The following ZNF423 variants were observed in gnomAD, a reference collection of about 807,000 sequenced individuals.
ZNF423 encodes zinc finger protein 423.
Under a neutral mutation model 95.8 loss-of-function variants are expected in ZNF423, and 12 were observed. That is an observed-to-expected ratio of 0.13 (90% CI 0.08 to 0.20). The LOEUF (loss-of-function observed/expected upper bound fraction) is 0.20. Ranked by LOEUF, ZNF423 falls within the 10% of genes least tolerant of loss-of-function variation. The pLI is 1.00. For missense variants in ZNF423, 1,316 were observed against 1,737.1 expected (o/e 0.76, Z 4.31); for synonymous variants, 749 against 711.9 (o/e 1.05, Z -0.83).
chr16:49,555,299 C>T (rs995678070), intron 5 of ZNF423, among the ~76,000 whole-genome samples: 1 of 152,192 alleles, frequency 6.6e-6, no homozygotes, highest in Non-Finnish European at 1.5e-5. Context: ...ACCTGGAGCA[C>T]CAGTAATTCA....
At chr16:49,853,772 G>A in intron 1 of ZNF423, 2 of 985,378 alleles carry the variant, frequency 2.0e-6, no homozygotes, top group Non-Finnish European at 2.4e-6. Flanking sequence ...CTCGGTTCAA[G>A]CAACTTTGAA....
intron 2 of ZNF423, among the ~76,000 whole-genome samples, chr16:49,763,867 C>T (rs1052371384): frequency 6.6e-6 from 1 of 152,190 alleles, no homozygotes; most frequent in African/African-American, 2.4e-5. Context: ...CCTTCCTTCC[C>T]ACCATTTGCT....
chr16:49,658,084 A>G (rs1306623830), intron 3 of ZNF423, among the ~76,000 whole-genome samples: 1 of 152,258 alleles, frequency 6.6e-6, no homozygotes, highest in Non-Finnish European at 1.5e-5. Context: ...TGTAATGCCC[A>G]TTAAAATAAA....
chr16:49,685,732 G>A (rs554606260), intron 3 of ZNF423, among the ~76,000 whole-genome samples: 1 of 152,176 alleles, frequency 6.6e-6, no homozygotes, highest in Non-Finnish European at 1.5e-5. Flanking sequence ...GTCCCCACCT[G>A]CCCACGCCCG....
intron 1 of ZNF423, among the ~76,000 whole-genome samples, chr16:49,819,583 G>A (rs2034908910): frequency 1.3e-5 from 2 of 152,044 alleles, no homozygotes; most frequent in Admixed American, 1.3e-4. Context: ...CAAGTAGCTG[G>A]GATTACAGGC....
At chr16:49,570,502 C>T (rs1486640166) in intron 5 of ZNF423, among the ~76,000 whole-genome samples, 1 of 152,144 alleles carries the variant, frequency 6.6e-6, no homozygotes, top group African/African-American at 2.4e-5. Context: ...TTCTTCCTCT[C>T]CCTCATTTTT....
chr16:49,603,070 A>G lies in ZNF423; in HGVS notation c.3601+23100T>C, dbSNP rs906488046. ...GAGGATGGGAGGAGGAGGTTCCGAA[A>G]CACTGGTGCGAGAAAAGGGTCTGGA... On this transcript the variant is annotated intron_variant, in intron 5 of 7. Transcript: ENST00000563137. This position sits in a 1 kb window ranked among gnomAD's most constrained non-coding sequence, Gnocchi z 4.1. 6.6e-6 allele frequency among the ~76,000 whole-genome samples: 1 copy of G among 152,146 alleles called. No homozygotes were observed. Among genetic ancestry groups the G allele is most frequent in the Non-Finnish European group, 1.5e-5 (1 of 68,030 alleles).
At chr16:49,596,169 T>TG (rs1367012133) in intron 5 of ZNF423, among the ~76,000 whole-genome samples, 2 of 152,138 alleles carry the variant, frequency 1.3e-5, no homozygotes, top group Admixed American at 6.5e-5. Context: ...GCTTTTACAT[T>TG]GGGAAAAAAA....
At chr16:49,779,831 C>A (rs1166578412) in intron 2 of ZNF423, among the ~76,000 whole-genome samples, 3 of 152,322 alleles carry the variant, frequency 2.0e-5, no homozygotes, top group South Asian at 2.1e-4. Context: ...GTAGGACTGG[C>A]CCCTCCTTGT....
At chr16:49,844,659 A>G (rs145447143) in intron 1 of ZNF423, among the ~76,000 whole-genome samples, 1 of 152,244 alleles carries the variant, frequency 6.6e-6, no homozygotes, top group Non-Finnish European at 1.5e-5. Context: ...CTAGTCACTC[A>G]TTCATTCATT....
chr16:49,806,949 C>T (rs1023156643), intron 1 of ZNF423, among the ~76,000 whole-genome samples: 4 of 151,684 alleles, frequency 2.6e-5, no homozygotes, highest in African/African-American at 9.7e-5. Context: ...ATCGCTTGAA[C>T]CCGGGAGGTA....
chr16:49,809,523 C>A (rs1032974702), intron 1 of ZNF423, among the ~76,000 whole-genome samples: 1 of 152,160 alleles, frequency 6.6e-6, no homozygotes, highest in African/African-American at 2.4e-5. Context: ...ACACCCAGGT[C>A]CTGCTGGTCC....
rs137880959 is a variant in ZNF423 at position 49,525,478 on chromosome 16, G to A, written c.3618C>T (p.His1206=). Residue 1206 remains histidine, a synonymous_variant, in exon 6 of 8, where the codon CAC becomes CAT. Coordinates refer to ENST00000563137, the MANE Select transcript of ZNF423 (RefSeq NM_001379286.1). ...ACATCTGGTTGCACAGCTTACACTC[G>A]TGGTTGATGCCTTCCTCTGCAAGGA... ...ANHMIEEGIN[H]ECKLCNQMFD... 58 of 1,614,004 alleles carry A rather than the reference G, an allele frequency of 3.6e-5. No homozygotes were observed. The highest frequency in any genetic ancestry group is 9.3e-5 in the African/African-American group (7 of 74,996).
chr16:49,726,098 G>C (rs369985507), intron 3 of ZNF423, among the ~76,000 whole-genome samples: 1 of 152,160 alleles, frequency 6.6e-6, no homozygotes, highest in South Asian at 2.1e-4. Context: ...CGGGGACCTG[G>C]GCTGGCATGT....
At chr16:49,709,165 C>CAT (rs2032458126) in intron 3 of ZNF423, among the ~76,000 whole-genome samples, 1 of 92,950 alleles carries the variant, frequency 1.1e-5, no homozygotes, top group African/African-American at 4.8e-5. Context: ...GTTCAGCAGC[C>CAT]GTTTATATAT....
intron 3 of ZNF423, among the ~76,000 whole-genome samples, chr16:49,701,742 C>A (rs1272041257): frequency 1.3e-5 from 2 of 151,622 alleles, no homozygotes; most frequent in Non-Finnish European, 3.0e-5. Context: ...AAGTCATTTC[C>A]CCCCTTCCCC....
chr16:49,820,243 T>C (rs1266596772), intron 1 of ZNF423, among the ~76,000 whole-genome samples: 1 of 152,180 alleles, frequency 6.6e-6, no homozygotes, highest in Non-Finnish European at 1.5e-5. Flanking sequence ...CCTACCTCCC[T>C]TGATTGACCT....
intron 3 of ZNF423, among the ~76,000 whole-genome samples, chr16:49,697,819 G>A (rs1596874816): frequency 1.3e-5 from 2 of 152,400 alleles, no homozygotes; most frequent in Non-Finnish European, 2.9e-5. Context: ...CTACGGTGCG[G>A]GCAGGCGGCA....
intron 1 of ZNF423, among the ~76,000 whole-genome samples, chr16:49,815,963 G>A (rs1261742174): frequency 1.6e-5 from 2 of 126,052 alleles, no homozygotes; most frequent in Non-Finnish European, 3.2e-5. Flanking sequence ...CTGTTGCCCA[G>A]GCTGGAGTGC....
Sources: gnomAD v4.1 joint callset for allele counts (sites outside exome capture counted in the v4.1 genomes callset) on GRCh38, gnomAD v4.1.1 for gene constraint, Gnocchi (gnomAD v3.1) non-coding constraint, MANE v1.5 for transcripts, NCBI Gene and HGNC (gene_info 2026-07-23, HGNC 2026-07-21) for gene names.